Variants in ACKR2 observed in about 807,000 individuals in gnomAD.
ACKR2 encodes the protein atypical chemokine receptor 2, also known as C-C chemokine receptor D6.
For missense variants in ACKR2, 457 were observed against 477.3 expected (o/e 0.96, Z 0.40); for synonymous variants, 207 against 192.2 (o/e 1.08, Z -0.64).
chr3:42,860,181 A>AAAAAAAAAAAAAAAAAC (rs1559693603), intron 2 of ACKR2, among the ~76,000 whole-genome samples: 1 of 143,756 alleles, frequency 7.0e-6, no homozygotes, highest in African/African-American at 2.5e-5. Context: ...AAAAAAAAAA[A>AAAAAAAAAAAAAAAAAC]AAAAAAAAGC....
chr3:42,820,898 T>G (rs201759162), intron 2 of ACKR2, among the ~76,000 whole-genome samples: 1 of 145,818 alleles, frequency 6.9e-6, no homozygotes, highest in East Asian at 2.1e-4. Context: ...TTTTTTTTTT[T>G]CTTTGAGATG....
At chr3:42,825,944 G>T (rs1371552816) in intron 2 of ACKR2, among the ~76,000 whole-genome samples, 3 of 148,924 alleles carry the variant, frequency 2.0e-5, no homozygotes, top group Non-Finnish European at 4.5e-5. Context: ...TTTCAATCAG[G>T]AAAGGTGGTG....
intron 2 of ACKR2, among the ~76,000 whole-genome samples, chr3:42,840,973 A>G (rs573725032): frequency 7.0e-4 from 106 of 152,206 alleles, no homozygotes; most frequent in Non-Finnish European, 1.3e-3. Context: ...TACAGGTGTG[A>G]GTCAAGGAGC....
chr3:42,809,551 G>A lies in ACKR2; in HGVS notation c.-119+19G>A, dbSNP rs1700672827. On this transcript the variant is annotated intron_variant, in intron 1 of 2. Transcript: ENST00000422265. ...ACGGCAGGTGAGAGAATTTCTTTAT[G>A]GCCAATTCTTAGACAAAAAGTAGGG... 1 of 152,136 alleles carries A rather than the reference G, an allele frequency of 6.6e-6. No individual in the cohort carries two copies. The highest frequency in any genetic ancestry group is 2.4e-5 in the African/African-American group (1 of 41,398). 9.4% of individuals were successfully genotyped at this position (152,136 alleles called of 1,614,324 possible). A position where few individuals can be genotyped will look rare whatever the true frequency, so the allele number is the denominator to read the frequency against.
At chr3:42,836,588 CTG>C (rs2125611430) in intron 2 of ACKR2, among the ~76,000 whole-genome samples, 1 of 152,324 alleles carries the variant, frequency 6.6e-6, no homozygotes, top group Non-Finnish European at 1.5e-5. Context: ...TGTCATGACT[CTG>C]TGGGGCTCTA....
intron 1 of ACKR2, among the ~76,000 whole-genome samples, chr3:42,814,829 G>A (rs1700732847): frequency 6.6e-6 from 1 of 152,202 alleles, no homozygotes; most frequent in South Asian, 2.1e-4. Context: ...GAAATTTCAG[G>A]TAGATATCAC....
intron 2 of ACKR2, among the ~76,000 whole-genome samples, chr3:42,821,716 A>G (rs2125604676): frequency 6.7e-6 from 1 of 149,804 alleles, no homozygotes; most frequent in Non-Finnish European, 1.5e-5. Flanking sequence ...TTTTTTTTTT[A>G]GAGAGAGTCT....
At chr3:42,858,851 AAC>A (rs1439487357) in intron 2 of ACKR2, among the ~76,000 whole-genome samples, 1 of 152,032 alleles carries the variant, frequency 6.6e-6, no homozygotes, top group Non-Finnish European at 1.5e-5. Flanking sequence ...GGAGCTGAAA[AAC>A]ACAGCATGAG....
chr3:42,838,883 A>G (rs993044895), intron 2 of ACKR2, among the ~76,000 whole-genome samples: 1 of 152,244 alleles, frequency 6.6e-6, no homozygotes, highest in Non-Finnish European at 1.5e-5. Context: ...TGCTGCAGAC[A>G]CTTTGAAAAA....
At chr3:42,827,026 C>T (rs1474863547) in intron 2 of ACKR2, among the ~76,000 whole-genome samples, 1 of 151,936 alleles carries the variant, frequency 6.6e-6, no homozygotes, top group Non-Finnish European at 1.5e-5. Flanking sequence ...TTTTGAATTC[C>T]CCAAATTTTT....
intron 2 of ACKR2, among the ~76,000 whole-genome samples, chr3:42,843,179 A>G (rs1196005992): frequency 1.3e-5 from 2 of 151,390 alleles, no homozygotes; most frequent in Non-Finnish European, 1.5e-5. Flanking sequence ...GGCTCAAGCG[A>G]TTCTCCTGCC....
chr3:42,816,722 A>G (rs1700754291), intron 1 of ACKR2, among the ~76,000 whole-genome samples: 1 of 151,640 alleles, frequency 6.6e-6, no homozygotes, highest in African/African-American at 2.4e-5. Flanking sequence ...ACACCTGGCT[A>G]TTTTTTTCTA....
At chr3:42,848,392 GTT>G (rs1292033500) in intron 2 of ACKR2, among the ~76,000 whole-genome samples, 5 of 151,526 alleles carry the variant, frequency 3.3e-5, no homozygotes, top group Non-Finnish European at 5.9e-5. Flanking sequence ...TAATTTTTGT[GTT>G]TTTTGCAGAG....
chr3:42,837,127 C>T (rs910511039), intron 2 of ACKR2, among the ~76,000 whole-genome samples: 15 of 152,106 alleles, frequency 9.9e-5, no homozygotes, highest in African/African-American at 2.4e-4. Flanking sequence ...ACCAGGGAAA[C>T]GGATGGTGTA....
chr3:42,812,415 G>C (rs1700705531), intron 1 of ACKR2, among the ~76,000 whole-genome samples: 1 of 152,200 alleles, frequency 6.6e-6, no homozygotes, highest in Admixed American at 6.5e-5. Context: ...TGAAGATTGA[G>C]TCTCAGTGTT....
At chr3:42,810,697 G>A (rs530089946) in intron 1 of ACKR2, among the ~76,000 whole-genome samples, 3 of 152,152 alleles carry the variant, frequency 2.0e-5, no homozygotes, top group African/African-American at 4.8e-5. Context: ...CAAGACTTGC[G>A]TCAAAAATAA....
chr3:42,817,428 C>A (rs116345103), intron 1 of ACKR2, among the ~76,000 whole-genome samples: 2,310 of 152,226 alleles, frequency 0.015, 37 homozygotes, highest in African/African-American at 0.052. Flanking sequence ...CTTACCCTAC[C>A]TGCGTCTCCA....
intron 2 of ACKR2, among the ~76,000 whole-genome samples, chr3:42,848,951 A>G (rs376570582): frequency 9.2e-5 from 14 of 152,322 alleles, no homozygotes; most frequent in East Asian, 5.8e-4. Flanking sequence ...CTACAAATGA[A>G]CTGGCCAGTA....
chr3:42,862,761 A>C (rs1256767779), intron 2 of ACKR2, among the ~76,000 whole-genome samples: 2 of 152,226 alleles, frequency 1.3e-5, no homozygotes, highest in Non-Finnish European at 2.9e-5. Context: ...CAATGGGGAA[A>C]GGATTCTCTA....
Sources: allele counts gnomAD v4.1 joint callset (sites outside exome capture counted in the v4.1 genomes callset), GRCh38; gene constraint gnomAD v4.1.1; transcripts MANE v1.5; gene names NCBI Gene and HGNC (gene_info 2026-07-23, HGNC 2026-07-21).